The following LMF1 variants were observed in gnomAD, a reference collection of about 807,000 sequenced individuals.
LMF1 encodes lipase maturation factor 1.
In LMF1, 68 loss-of-function variants were observed where a neutral mutation model predicts 60.6. The observed-to-expected ratio is 1.12, with a 90% CI of 0.92 to 1.37. The LOEUF is 1.37. LMF1 is among the 40% of genes most tolerant of loss of function. The probability of loss-of-function intolerance (pLI) is 0.00; values close to 1 mark genes in which losing one functional copy is unlikely to be tolerated. For synonymous variants in LMF1, 418 were observed against 324.7 expected, an observed-to-expected ratio of 1.29 and a Z score of -3.09; for missense variants, 948 against 767.2, an observed-to-expected ratio of 1.24 and a Z score of -2.78.
intron 4 of LMF1, among the ~76,000 whole-genome samples, chr16:910,502 C>T (rs1430749248): frequency 1.3e-5 from 2 of 152,212 alleles, no homozygotes; most frequent in Admixed American, 6.5e-5. Flanking sequence ...CTCATACCTC[C>T]CTCACCCTTG....
intron 6 of LMF1, 141 bp downstream of exon 6, chr16:879,429 G>T: frequency 2.0e-6 from 2 of 1,000,906 alleles, no homozygotes; most frequent in Non-Finnish European, 2.9e-6. Flanking sequence ...TGACACAAAC[G>T]AAGGCTGGGG....
intron 4 of LMF1, among the ~76,000 whole-genome samples, chr16:898,728 C>G (rs761091718): frequency 6.6e-6 from 1 of 152,250 alleles, no homozygotes; most frequent in African/African-American, 2.4e-5. Context: ...AGCCGCCTAT[C>G]TCTCTGACGG....
intron 2 of LMF1, among the ~76,000 whole-genome samples, chr16:939,104 A>C (rs71380212): frequency 5.9e-5 from 9 of 152,242 alleles, no homozygotes; most frequent in Non-Finnish European, 1.2e-4. Context: ...AAGGCAAAAC[A>C]CAAATCCCCA....
At position 879,293 on chromosome 16, in the gene LMF1, G is replaced by A. The variant is rs1172394221; in HGVS notation, c.897+277C>T. ...GGCGTGCTGACCCCGTCCCACTGCC[G>A]AGCCCAGGACATGGCCGGGCCTCTC... On this transcript the variant is annotated intron_variant, in intron 6 of 10. Transcript: ENST00000262301. 2.6e-5 allele frequency among the ~76,000 whole-genome samples: 4 copies of A among 152,144 alleles called. No homozygotes were observed. In the South Asian group the frequency reaches 8.3e-4, roughly 32 times the overall value.
At chr16:964,906 G>A (rs1360209055) in intron 1 of LMF1, among the ~76,000 whole-genome samples, 5 of 152,318 alleles carry the variant, frequency 3.3e-5, no homozygotes, top group Non-Finnish European at 4.4e-5. Context: ...ACTGCCCCAC[G>A]CGGAAAAGAA....
intron 6 of LMF1, among the ~76,000 whole-genome samples, chr16:877,926 T>A (rs1427806810): frequency 6.6e-6 from 1 of 151,830 alleles, no homozygotes; most frequent in Non-Finnish European, 1.5e-5. Flanking sequence ...AGGGCACCAT[T>A]TACAACATCA....
intron 5 of LMF1, among the ~76,000 whole-genome samples, chr16:892,496 A>ACTCC (rs2070519485): frequency 6.6e-6 from 1 of 152,246 alleles, no homozygotes; most frequent in Non-Finnish European, 1.5e-5. Context: ...GTTGGCAGGA[A>ACTCC]CTGGGGCGTC....
At chr16:950,354 C>T (rs550147345) in intron 2 of LMF1, among the ~76,000 whole-genome samples, 105 of 115,434 alleles carry the variant, frequency 9.1e-4, no homozygotes, top group African/African-American at 2.4e-3. Context: ...AGTCAGCCAA[C>T]GACAGAGTCA....
intron 3 of LMF1, chr16:933,273 T>TCC (rs2071843786): frequency 6.6e-6 from 1 of 152,264 alleles, no homozygotes; most frequent in Non-Finnish European, 1.5e-5. Flanking sequence ...AAATCAGGAA[T>TCC]AAGGTTCCTT....
rs1839340851 is a variant in LMF1, at chr16:954,602, G to T, written c.258C>A (p.Pro86=). 6.8e-6 allele frequency: 11 copies of T among 1,611,286 alleles called. No homozygotes were observed. The highest frequency in any genetic ancestry group is 3.3e-4 in the Middle Eastern group (2 of 6,054). The part of the protein sequence containing the change: ...KQLIGDRGLL[P]CRVFLKNFQQ... Reference sequence around the variant, plus strand: ...GGAAGTTCTTCAGGAACACTCTGCAGGGAAGCAGCCCCCTGTCACCGATGA... The same window carrying T: ...GGAAGTTCTTCAGGAACACTCTGCATGGAAGCAGCCCCCTGTCACCGATGA... Residue 86 remains proline (P), a synonymous_variant, in exon 2 of 11, where the codon CCC becomes CCA. Coordinates refer to ENST00000262301, the MANE Select transcript of LMF1 (RefSeq NM_022773.4).
chr16:889,374 G>A (rs1278252637), intron 5 of LMF1, among the ~76,000 whole-genome samples: 1 of 149,894 alleles, frequency 6.7e-6, no homozygotes, highest in African/African-American at 2.5e-5. Context: ...CCATGGGTGT[G>A]AGGCTGCGGA....
intron 3 of LMF1, among the ~76,000 whole-genome samples, chr16:913,091 C>T (rs978824894): frequency 9.5e-4 from 145 of 152,334 alleles, no homozygotes; most frequent in Non-Finnish European, 1.7e-3. Context: ...TTTCCCGTTG[C>T]GCAGCTGCAC....
intron 5 of LMF1, among the ~76,000 whole-genome samples, chr16:890,057 C>T (rs2070434431): frequency 6.6e-6 from 1 of 152,200 alleles, no homozygotes; most frequent in East Asian, 1.9e-4. Context: ...CACACACTGC[C>T]CCCTGTACCT....
intron 10 of LMF1, among the ~76,000 whole-genome samples, chr16:864,243 T>TC (rs2151691914): frequency 6.6e-6 from 1 of 152,364 alleles, no homozygotes; most frequent in African/African-American, 2.4e-5. Context: ...ATACAATGAA[T>TC]CCTTTATTTT....
intron 2 of LMF1, among the ~76,000 whole-genome samples, chr16:939,865 T>C (rs2072048575): frequency 6.6e-6 from 1 of 152,172 alleles, no homozygotes; most frequent in African/African-American, 2.4e-5. Flanking sequence ...CCCTGGGCAG[T>C]GGGCTAAAAG....
intron 2 of LMF1, chr16:947,310 C>A (rs2151458416): frequency 2.7e-6 from 1 of 366,938 alleles, no homozygotes. Flanking sequence ...AGGCTGCAGC[C>A]CAGCCAGGGA....
intron 10 of LMF1, among the ~76,000 whole-genome samples, chr16:864,020 T>C (rs967641534): frequency 2.0e-5 from 3 of 152,244 alleles, no homozygotes; most frequent in Non-Finnish European, 2.9e-5. Context: ...CATCTAGTTA[T>C]TCTACCTATT....
intron 3 of LMF1, among the ~76,000 whole-genome samples, chr16:920,501 C>T (rs2071403863): frequency 1.3e-5 from 2 of 152,066 alleles, no homozygotes; most frequent in Non-Finnish European, 1.5e-5. Flanking sequence ...GAGTGAAGAA[C>T]GAAAGAAAAG....
chr16:931,519 T>C, intron 3 of LMF1: 1 of 731,948 alleles, frequency 1.4e-6, no homozygotes, highest in Non-Finnish European at 1.9e-6. Flanking sequence ...CAAACTGCAT[T>C]CTCCCAGGCC....
Sources: allele counts gnomAD v4.1 joint callset (sites outside exome capture counted in the v4.1 genomes callset), GRCh38; gene constraint gnomAD v4.1.1; transcripts MANE v1.5; gene names NCBI Gene and HGNC (gene_info 2026-07-23, HGNC 2026-07-21).